AIG1: variants seen among roughly 807,000 people sequenced by gnomAD.
AIG1 encodes the protein androgen induced 1, also known as androgen-induced gene 1 protein.
AIG1 carries 23 observed loss-of-function variants against 31.4 expected under a neutral mutation model. The observed-to-expected ratio is 0.73, with a 90% CI of 0.53 to 1.04. The LOEUF (loss-of-function observed/expected upper bound fraction) is 1.04. Ranked by LOEUF, AIG1 falls within the 50% of genes least tolerant of loss-of-function variation. The pLI, the probability that AIG1 is intolerant of heterozygous loss-of-function variation, is 0.00. For synonymous variants in AIG1, 100 were observed against 110.5 expected, an observed-to-expected ratio of 0.90 and a Z score of 0.60; for missense variants, 274 against 295.0, an observed-to-expected ratio of 0.93 and a Z score of 0.52.
intron 2 of AIG1, among the ~76,000 whole-genome samples, chr6:143,144,115 G>A (rs1784518435): frequency 6.6e-6 from 1 of 152,140 alleles, no homozygotes; most frequent in Non-Finnish European, 1.5e-5. Context: ...AGCTCAGAGT[G>A]GTCAGCTTTT....
At chr6:143,149,532 CA>C (rs71767812) in intron 2 of AIG1, among the ~76,000 whole-genome samples, 5,598 of 40,080 alleles carry the variant, frequency 0.14, 44 homozygotes, top group East Asian at 0.32. Context: ...GACTCTGTCT[CA>C]AAAAAAAAAA....
rs1799409841 is a variant in AIG1, at chr6:143,307,469, G to C, written c.515+23244G>C. Among the ~76,000 whole-genome samples, 6 of 152,372 alleles carry C rather than the reference G, an allele frequency of 3.9e-5. No homozygotes were observed. In the South Asian group the frequency reaches 1.2e-3, roughly 32 times the overall value. ...TGGAGTTTGCTAGAGGTCCACTCCA[G>C]ACCCTGTTTGCCTGGGTAACAGCAG... On this transcript the variant is annotated intron_variant, in intron 4 of 5. Transcript: ENST00000357847.
At chr6:143,307,793 C>T (rs1019086966) in intron 4 of AIG1, among the ~76,000 whole-genome samples, 15 of 152,336 alleles carry the variant, frequency 9.8e-5, no homozygotes, top group African/African-American at 3.6e-4. Context: ...TGTCTGTGCC[C>T]TGCCCCCAGA....
In AIG1 at chr6:143,338,951, T is replaced by A. The variant is rs1562607686; in HGVS notation, c.680-688T>A. The A allele has an allele frequency of 6.6e-6, 1 of 152,124 alleles. No homozygotes were observed. Among genetic ancestry groups the A allele is most frequent in the African/African-American group, 2.4e-5 (1 of 41,412 alleles). 9.4% of individuals were successfully genotyped at this position (152,124 alleles called of 1,614,324 possible). On this transcript the variant is annotated intron_variant, in intron 5 of 5. Coordinates refer to ENST00000357847, the MANE Select transcript of AIG1 (RefSeq NM_016108.4). The surrounding 1 kb of genome is among the most constrained non-coding windows in gnomAD (Gnocchi z 4.3). ...CTATAATTCCTAAAAATGATGAACA[T>A]TTTCATCTTCAGGAACATGAAACAT...
At chr6:143,222,058 C>T (rs1364890510) in intron 3 of AIG1, among the ~76,000 whole-genome samples, 4 of 152,160 alleles carry the variant, frequency 2.6e-5, no homozygotes, top group African/African-American at 9.7e-5. Flanking sequence ...AGCTTTGATT[C>T]CTCATTTATA....
chr6:143,119,357 C>T (rs990468817), intron 1 of AIG1, among the ~76,000 whole-genome samples: 1 of 152,146 alleles, frequency 6.6e-6, no homozygotes, highest in East Asian at 1.9e-4. Context: ...AAGTATGCCA[C>T]ATTCTCAAGA....
intron 1 of AIG1, among the ~76,000 whole-genome samples, chr6:143,130,583 G>C (rs941603352): frequency 1.3e-5 from 2 of 152,110 alleles, no homozygotes; most frequent in Admixed American, 1.3e-4. Flanking sequence ...GCTGGGTGTG[G>C]TGGTGCGTGC....
At chr6:143,213,195 A>G (rs918438892) in intron 3 of AIG1, among the ~76,000 whole-genome samples, 1 of 152,166 alleles carries the variant, frequency 6.6e-6, no homozygotes, top group Non-Finnish European at 1.5e-5. Flanking sequence ...ATATAATTGT[A>G]TGTGTTTAGT....
intron 1 of AIG1, among the ~76,000 whole-genome samples, chr6:143,097,187 A>G (rs1217797693): frequency 6.6e-6 from 1 of 151,966 alleles, no homozygotes; most frequent in Non-Finnish European, 1.5e-5. Flanking sequence ...GAGAATGCCT[A>G]TCAGATAGAA....
At chr6:143,131,374 G>A (rs1386568822) in intron 1 of AIG1, among the ~76,000 whole-genome samples, 2 of 152,166 alleles carry the variant, frequency 1.3e-5, no homozygotes, top group East Asian at 3.8e-4. Flanking sequence ...AGGAACCTGT[G>A]AATATGATGA....
intron 3 of AIG1, among the ~76,000 whole-genome samples, chr6:143,183,242 C>T (rs914286946): frequency 6.9e-6 from 1 of 144,372 alleles, no homozygotes; most frequent in East Asian, 2.2e-4. Context: ...TGTCGCCAGG[C>T]TGGAGTGCGA....
chr6:143,275,289 G>A (rs1194557418), intron 3 of AIG1, among the ~76,000 whole-genome samples: 1 of 152,168 alleles, frequency 6.6e-6, no homozygotes, highest in African/African-American at 2.4e-5. Flanking sequence ...CCAGGCAGGA[G>A]AGGGGAGCGA....
intron 3 of AIG1, among the ~76,000 whole-genome samples, chr6:143,208,353 T>A (rs80199746): frequency 0.041 from 6,175 of 152,262 alleles, 375 homozygotes; most frequent in African/African-American, 0.14. Flanking sequence ...ATAAGAGCCA[T>A]GGGCCACTTT....
chr6:143,183,485 C>A (rs537858211), intron 3 of AIG1, among the ~76,000 whole-genome samples: 2 of 152,280 alleles, frequency 1.3e-5, no homozygotes, highest in South Asian at 2.1e-4. Flanking sequence ...TGAGACACCA[C>A]GCCCGGTCAG....
At chr6:143,342,516 T>C (rs1777877877), downstream of AIG1, 19 of 806,282 alleles carry the variant, frequency 2.4e-5, no homozygotes, top group South Asian at 2.5e-4. Context: ...CTTTTATCTT[T>C]CTCCCTATCC....
intron 3 of AIG1, among the ~76,000 whole-genome samples, chr6:143,170,205 C>G (rs1787357758): frequency 1.3e-5 from 2 of 152,062 alleles, no homozygotes; most frequent in South Asian, 4.1e-4. Flanking sequence ...TAGCAGTAAA[C>G]TGTTCTGTCC....
downstream of AIG1, among the ~76,000 whole-genome samples, chr6:143,341,936 T>C (rs1777865299): frequency 6.6e-6 from 1 of 152,216 alleles, no homozygotes. Flanking sequence ...AATTTTTTTT[T>C]GTTTTTGAAA....
chr6:143,093,076 C>T (rs924960153), intron 1 of AIG1, among the ~76,000 whole-genome samples: 1 of 152,016 alleles, frequency 6.6e-6, no homozygotes, highest in African/African-American at 2.4e-5. Flanking sequence ...AATCATCCCT[C>T]CCCTCACAAA....
chr6:143,263,495 T>C (rs943486063), intron 3 of AIG1, among the ~76,000 whole-genome samples: 3 of 151,954 alleles, frequency 2.0e-5, no homozygotes, highest in African/African-American at 7.3e-5. Context: ...AATGTATGCT[T>C]TAAAAAAATT....
Sources: allele counts gnomAD v4.1 joint callset (sites outside exome capture counted in the v4.1 genomes callset), GRCh38; gene constraint gnomAD v4.1.1; non-coding constraint Gnocchi (gnomAD v3.1); transcripts MANE v1.5; gene names NCBI Gene and HGNC (gene_info 2026-07-23, HGNC 2026-07-21).